Variants in TCHH observed in about 807,000 individuals in gnomAD.
TCHH encodes the protein trichohyalin.
Under a neutral mutation model 6.3 loss-of-function variants are expected in TCHH, and 6 were observed. The ratio of observed to expected loss-of-function variants is 0.95; its 90% confidence interval spans 0.52 to 1.88. The LOEUF (loss-of-function observed/expected upper bound fraction) is 1.88. TCHH is among the 40% of genes most tolerant of loss of function. The pLI, the probability that TCHH is intolerant of heterozygous loss-of-function variation, is 0.01. For synonymous variants in TCHH, 1,087 were observed against 963.6 expected (o/e 1.13, Z -2.37); for missense variants, 2,920 against 2,449.1 (o/e 1.19, Z -4.06).
rs371818600 is a variant in TCHH, at chr1:152,111,423, G to A, written c.1794C>T (p.Leu598=). The change falls in exon 3 of 3, where the codon CTC becomes CTT. Residue 598 remains leucine, a synonymous_variant. Transcript: ENST00000614923. Reference sequence around the variant, plus strand: ...CCTCCTCGCGCTTCAGTCGCTGCTCGAGCCTCTCTTCCTGCTCGCGCTTCA... The same window carrying A: ...CCTCCTCGCGCTTCAGTCGCTGCTCAAGCCTCTCTTCCTGCTCGCGCTTCA... ...QRLKREQEER[L]EQRLKREEVE... 125 of 1,597,544 alleles carry A rather than the reference G, an allele frequency of 7.8e-5. No homozygotes were observed. Among genetic ancestry groups the A allele is most frequent in the Non-Finnish European group, 1.0e-4 (122 of 1,176,260 alleles).
At position 152,110,028 on chromosome 1, in the gene TCHH, C is replaced by T; in HGVS notation, c.3189G>A (p.Leu1063=). The T allele has an allele frequency of 6.2e-7, 1 of 1,608,594 alleles. No individual in the cohort carries two copies. Among genetic ancestry groups the T allele is most frequent in the Non-Finnish European group, 8.5e-7 (1 of 1,177,906 alleles). The change falls in exon 3 of 3, where the codon CTG becomes CTA. Residue 1063 remains leucine, a synonymous_variant. Transcript: ENST00000614923. ...TTCTCGTCTCCCGTTCCTCTCCCAGCAGCTGCTCTTCCTCCTGCTGCAGCT... is the reference window on the plus strand; with the variant it reads ...TTCTCGTCTCCCGTTCCTCTCCCAGTAGCTGCTCTTCCTCCTGCTGCAGCT... ...EEELQQEEEQ[L]LGEERETRRR... is the part of the protein sequence containing the mutation.
Position 152,110,908 on chromosome 1 carries a change from T to C in TCHH, c.2309A>G (p.Gln770Arg). 1 of 1,612,366 alleles carries C rather than the reference T, an allele frequency of 6.2e-7. No homozygotes were observed. Among genetic ancestry groups the C allele is most frequent in the Non-Finnish European group, 8.5e-7 (1 of 1,179,740 alleles). ...EEEQRRDFTW[Q>R]WQAEEKSERG... ...CTCGCTCTTTTCCTCCGCCTGCCAC[T>C]GCCATGTGAAGTCCCGGCGCTGCTC... Residue 770 changes from glutamine to arginine, a missense_variant, in exon 3 of 3, where the codon CAG becomes CGG. By Grantham distance (43) the Gln-to-Arg change is conservative (BLOSUM62 1). Coordinates refer to ENST00000614923, the MANE Select transcript of TCHH (RefSeq NM_007113.4).
rs146186285 is a variant in TCHH at position 152,110,759 on chromosome 1, G to A, written c.2458C>T (p.Arg820Trp). The A allele has an allele frequency of 3.4e-3, 5,419 of 1,607,714 alleles. 16 individuals are homozygous for A. Among genetic ancestry groups the A allele is most frequent in the Non-Finnish European group, 4.3e-3 (5,059 of 1,179,748 alleles). ...FLPEEEEKEQ[R>W]RRQRREREKE... The stretch of plus-strand genomic sequence containing the variant: ...TCCCTCTCGCGTCGCTGGCGGCGCC[G>A]CTGCTCCTTCTCCTCCTCCTCCGGG... The change falls in exon 3 of 3, where the codon CGG becomes TGG. Residue 820 changes from arginine to tryptophan, a missense_variant. Coordinates refer to ENST00000614923, the MANE Select transcript of TCHH (RefSeq NM_007113.4).
Position 152,108,738 on chromosome 1 carries a change from C to G in TCHH, c.4479G>C (p.Gln1493His). Reference sequence around the variant, plus strand: ...TTCTGTCACGCTCTTGGCGGCGCAGCTGTTGTTCCTCCTCCAGGAATTTTC... The same window carrying G: ...TTCTGTCACGCTCTTGGCGGCGCAGGTGTTGTTCCTCCTCCAGGAATTTTC... ...RDRKFLEEEQ[Q>H]LRRQERDRKF... Residue 1493 changes from glutamine to histidine, a missense_variant, in exon 3 of 3, where the codon CAG (glutamine) becomes CAC (histidine). Physicochemically the swap from Gln to His is conservative, Grantham distance 24 (BLOSUM62 0). Transcript: ENST00000614923. 6.2e-7 allele frequency: 1 copy of G among 1,612,110 alleles called. No individual in the cohort carries two copies. Among genetic ancestry groups the G allele is most frequent in the Middle Eastern group, 1.7e-4 (1 of 6,056 alleles).
rs1031501288 is a variant in TCHH, at chr1:152,109,684, T to G, written c.3533A>C (p.Gln1178Pro). Reference sequence around the variant, plus strand: ...CTCTCTCAGCAGCTGCTCTTCCTCCTGCTGCAGCTCCTCTTCCTCGCGGTA... The same window carrying G: ...CTCTCTCAGCAGCTGCTCTTCCTCCGGCTGCAGCTCCTCTTCCTCGCGGTA... ...RQYREEEELQ[Q>P]EEEQLLREEQ... Residue 1178 changes from glutamine (Q) to proline (P), a missense_variant, in exon 3 of 3, where the codon CAG becomes CCG. Transcript: ENST00000614923. The G allele has an allele frequency of 1.2e-6, 2 of 1,608,690 alleles. No homozygotes were observed. The highest frequency in any genetic ancestry group is 1.7e-6 in the Non-Finnish European group (2 of 1,177,040).
chr1:152,107,622 C>A lies in TCHH; in HGVS notation c.5595G>T (p.Trp1865Cys). ...GGCGACGTTTCTGCTCCTCTTCTTG[C>A]CATAGTTCTTGTTCCTCACGACGAC... ...EKSRREEQEL[W>C]QEEEQKRRQE... The change falls in exon 3 of 3, where the codon TGG becomes TGT. Residue 1865 changes from tryptophan to cysteine, a missense_variant. Trp to Cys is a radical substitution (Grantham distance 215, BLOSUM62 -2). Coordinates refer to ENST00000614923, the MANE Select transcript of TCHH (RefSeq NM_007113.4). The A allele has an allele frequency of 1.2e-6, 2 of 1,614,154 alleles. No homozygotes were observed. Among genetic ancestry groups the A allele is most frequent in the Non-Finnish European group, 1.7e-6 (2 of 1,180,044 alleles).
At position 152,112,314 on chromosome 1, in the gene TCHH, C is replaced by T. The variant is rs1242532606; in HGVS notation, c.903G>A (p.Arg301=). ...QEEEQQQQRL[R]REQQLRRKQE... ...GCTTGCGCCTTAGTTGCTGCTCGCG[C>T]CTCAGCCTTTGCTGCTGCTGCTCTT... Residue 301 remains arginine (R), a synonymous_variant, in exon 3 of 3, where the codon AGG becomes AGA. Coordinates refer to ENST00000614923, the MANE Select transcript of TCHH (RefSeq NM_007113.4). 2 of 1,612,334 alleles carry T rather than the reference C, an allele frequency of 1.2e-6. No homozygotes were observed. Among genetic ancestry groups the T allele is most frequent in the Non-Finnish European group, 8.5e-7 (1 of 1,179,974 alleles).
In TCHH at chr1:152,108,457, T is replaced by C; in HGVS notation, c.4760A>G (p.Lys1587Arg). 6.2e-7 allele frequency: 1 copy of C among 1,613,132 alleles called. No individual in the cohort carries two copies. The highest frequency in any genetic ancestry group is 8.5e-7 in the Non-Finnish European group (1 of 1,179,770). The change falls in exon 3 of 3, where the codon AAA becomes AGA. Residue 1587 changes from lysine (K) to arginine (R), a missense_variant. Coordinates refer to ENST00000614923, the MANE Select transcript of TCHH (RefSeq NM_007113.4). ...RDRKFRLEEQ[K>R]VRRQEQERKF... is the part of the protein sequence containing the mutation. ...TCTCTCTTGTTCCTGGCGGCGCACT[T>C]TCTGTTCCTCTAAACGGAATTTTCT... is the stretch of plus-strand genomic sequence containing the variant.
rs769712251 is a variant in TCHH, at chr1:152,111,918, C to T, written c.1299G>A (p.Arg433=). The change falls in exon 3 of 3, where the codon AGG becomes AGA. Residue 433 remains arginine, a synonymous_variant. Coordinates refer to ENST00000614923, the MANE Select transcript of TCHH (RefSeq NM_007113.4). The part of the protein sequence containing the change: ...QQLRREQEEE[R]HEQKHEQERR... ...TCTCCTGCTCGTGCTTCTGCTCGTG[C>T]CTCTCCTCCTCCTGCTCGCGCCTCA... 13 of 1,602,030 alleles carry T rather than the reference C, an allele frequency of 8.1e-6. No homozygotes were observed. Among genetic ancestry groups the T allele is most frequent in the South Asian group, 7.7e-5 (7 of 90,686 alleles).
In TCHH at chr1:152,111,354, C is replaced by T; in HGVS notation, c.1863G>A (p.Lys621=). The T allele has an allele frequency of 1.2e-6, 2 of 1,610,270 alleles. No homozygotes were observed. Among genetic ancestry groups the T allele is most frequent in the Non-Finnish European group, 8.5e-7 (1 of 1,178,664 alleles). Residue 621 remains lysine, a synonymous_variant, in exon 3 of 3, where the codon AAG becomes AAA. Transcript: ENST00000614923. ...GCCTCTCTTCCTCCGGCTCCTCGCG[C>T]TTCAGCCGCTGCTCGCGCCTCTCCT... ...EQEERREQRL[K]REEPEEERRQ... is the part of the protein sequence containing the mutation.
rs766297335 is a variant in TCHH, at chr1:152,108,497, G to A, written c.4720C>T (p.Arg1574Cys). The change falls in exon 3 of 3, where the codon CGC (arginine) becomes TGC (cysteine). Residue 1574 changes from arginine to cysteine, a missense_variant. Coordinates refer to ENST00000614923, the MANE Select transcript of TCHH (RefSeq NM_007113.4). Reference protein sequence around the residue: ...RQEREEQQLSRQERDRKFRLE... With the variant: ...RQEREEQQLSCQERDRKFRLE... Reference sequence around the variant, plus strand: ...CGGAATTTTCTGTCACGCTCTTGGCGGCTCAGCTGCTGTTCCTCCCTCTCC... The same window carrying A: ...CGGAATTTTCTGTCACGCTCTTGGCAGCTCAGCTGCTGTTCCTCCCTCTCC... 5.0e-6 allele frequency: 8 copies of A among 1,611,640 alleles called. No individual in the cohort carries two copies. The East Asian group carries it at 1.1e-4, about 23-fold the overall frequency.
chr1:152,107,029 G>C lies in TCHH; in HGVS notation c.*356C>G, dbSNP rs1658124124. The C allele has an allele frequency of 5.7e-6, 1 of 176,106 alleles. No homozygotes were observed. Among genetic ancestry groups the C allele is most frequent in the Non-Finnish European group, 1.2e-5 (1 of 84,104 alleles). 10.9% of individuals were successfully genotyped at this position (176,106 alleles called of 1,614,324 possible). A position where few individuals can be genotyped will look rare whatever the true frequency, so the allele number is the denominator to read the frequency against. On this transcript the variant is annotated 3_prime_UTR_variant, in exon 3 of 3. Coordinates refer to ENST00000614923, the MANE Select transcript of TCHH (RefSeq NM_007113.4). ...ATTAAACAAACCGACCCATTGTTTA[G>C]AATCTCAAATCATCCTATTACTCTT...
In TCHH at chr1:152,107,807, G is replaced by C. The variant is rs202089738; in HGVS notation, c.5410C>G (p.Arg1804Gly). ...DRKFREEEQL[R>G]QEREEQQLRP... is the part of the protein sequence containing the mutation. ...AGCTGCTGTTCTTCCCTCTCCTGGCGTAGCTGTTCCTCCTCGCGGAATTTT... is the reference window on the plus strand; with the variant it reads ...AGCTGCTGTTCTTCCCTCTCCTGGCCTAGCTGTTCCTCCTCGCGGAATTTT... Residue 1804 changes from arginine to glycine, a missense_variant, in exon 3 of 3, where the codon CGC becomes GGC. Coordinates refer to ENST00000614923, the MANE Select transcript of TCHH (RefSeq NM_007113.4). The C allele has an allele frequency of 9.3e-6, 15 of 1,613,610 alleles. No homozygotes were observed. The highest frequency in any genetic ancestry group is 4.0e-5 in the African/African-American group (3 of 74,828).
Position 152,111,495 on chromosome 1 carries a change from C to T in TCHH, c.1722G>A (p.Arg574=), listed in dbSNP as rs779830188. 1 of 1,609,848 alleles carries T rather than the reference C, an allele frequency of 6.2e-7. No individual in the cohort carries two copies. The highest frequency in any genetic ancestry group is 8.5e-7 in the Non-Finnish European group (1 of 1,178,424). The change falls in exon 3 of 3, where the codon AGG becomes AGA. Residue 574 remains arginine, a synonymous_variant. Transcript: ENST00000614923. ...EQRLKREQEE[R]RDQLLKREEE... Reference sequence around the variant, plus strand: ...CCTCGCGCTTCAGCAGCTGATCGCGCCTCTCCTCCTGCTCGCGCTTCAGCC... The same window carrying T: ...CCTCGCGCTTCAGCAGCTGATCGCGTCTCTCCTCCTGCTCGCGCTTCAGCC...
At position 152,109,228 on chromosome 1, in the gene TCHH, C is replaced by A. The variant is rs781421789; in HGVS notation, c.3989G>T (p.Arg1330Leu). 3.7e-6 allele frequency: 6 copies of A among 1,614,114 alleles called. No homozygotes were observed. The highest frequency in any genetic ancestry group is 2.2e-5 in the East Asian group (1 of 44,902). ...GAATTTTCTGTCTGTCTCTTGACGG[C>A]GTCTCTTCTCTTCTCTTTCCTCTCT... ...LLREEREEKR[R>L]RQETDRKFRE... Residue 1330 changes from arginine to leucine, a missense_variant, in exon 3 of 3, where the codon CGC becomes CTC. Coordinates refer to ENST00000614923, the MANE Select transcript of TCHH (RefSeq NM_007113.4).
In TCHH at chr1:152,110,591, A is replaced by C. The variant is rs760179169; in HGVS notation, c.2626T>G (p.Trp876Gly). 3 of 1,613,176 alleles carry C rather than the reference A, an allele frequency of 1.9e-6. No individual in the cohort carries two copies. In the South Asian group the frequency reaches 3.3e-5, roughly 18 times the overall value. Residue 876 changes from tryptophan to glycine, a missense_variant, in exon 3 of 3, where the codon TGG becomes GGG. Coordinates refer to ENST00000614923, the MANE Select transcript of TCHH (RefSeq NM_007113.4). ...CTCTTCCTTTCTTCTTCTAGTTGCC[A>C]CCTCCATTTTTGGTCGCGGCGCTGC... ...QEQRRDQKWR[W>G]QLEEERKRRR...
Position 152,110,271 on chromosome 1 carries a change from C to A in TCHH, c.2946G>T (p.Arg982Ser). ...QLLGEEPEKR[R>S]RQEREKKYRE... is the part of the protein sequence containing the mutation. ...GGTATTTTTTCTCCCGCTCCTGGCGCCTTCTCTTCTCCGGTTCCTCTCCCA... is the reference window on the plus strand; with the variant it reads ...GGTATTTTTTCTCCCGCTCCTGGCGACTTCTCTTCTCCGGTTCCTCTCCCA... Residue 982 changes from arginine to serine, a missense_variant, in exon 3 of 3, where the codon AGG (arginine) becomes AGT (serine). Transcript: ENST00000614923. 1 of 1,611,032 alleles carries A rather than the reference C, an allele frequency of 6.2e-7. No individual in the cohort carries two copies. Among genetic ancestry groups the A allele is most frequent in the Non-Finnish European group, 8.5e-7 (1 of 1,178,902 alleles).
chr1:152,107,395 T>C lies in TCHH; in HGVS notation c.5822A>G (p.Tyr1941Cys). 6.4e-7 allele frequency: 1 copy of C among 1,565,100 alleles called. No homozygotes were observed. The highest frequency in any genetic ancestry group is 8.6e-7 in the Non-Finnish European group (1 of 1,156,858). Residue 1941 changes from tyrosine (Y) to cysteine (C), a missense_variant, in exon 3 of 3, where the codon TAC becomes TGC. Coordinates refer to ENST00000614923, the MANE Select transcript of TCHH (RefSeq NM_007113.4). ...TATTGGCAACATCACTTAAGGGCGG[T>C]ATTGAGATCTCTGCTCTTGGATGTA... ...YEYIQEQRSQ[Y>C]RP
chr1:152,112,709 C>G lies in TCHH; in HGVS notation c.508G>C (p.Asp170His), dbSNP rs550726317. 3.1e-6 allele frequency: 5 copies of G among 1,614,110 alleles called. No individual in the cohort carries two copies. In the Admixed American group the frequency reaches 8.3e-5, roughly 27 times the overall value. ...TGCCTTTGCCGCCACAGCTCCTCGT[C>G]GCGGCGCTGCCTGTCGCGCTGTTCA... ...RLEQRDRQRR[D>H]EELWRQRQEW... Residue 170 changes from aspartate to histidine, a missense_variant, in exon 3 of 3, where the codon GAC becomes CAC. Transcript: ENST00000614923.
Sources: allele counts gnomAD v4.1 joint callset, GRCh38; gene constraint gnomAD v4.1.1; transcripts MANE v1.5; gene names NCBI Gene and HGNC (gene_info 2026-07-23, HGNC 2026-07-21).